The following ERP44 variants were observed in gnomAD, a reference collection of about 807,000 sequenced individuals.
The protein encoded by ERP44 is endoplasmic reticulum protein 44, also known as endoplasmic reticulum resident protein 44.
Under a neutral mutation model 53.4 loss-of-function variants are expected in ERP44, and 25 were observed. The observed-to-expected ratio is 0.47, with a 90% CI of 0.34 to 0.65. ERP44 has a LOEUF of 0.65. Among genes scored for constraint, ERP44 ranks in the 30% least tolerant of loss-of-function variants. ERP44 has a pLI of 0.01. For missense variants in ERP44, 338 were observed against 493.2 expected (o/e 0.69, Z 2.98); for synonymous variants, 145 against 161.2 (o/e 0.90, Z 0.76).
intron 10 of ERP44, among the ~76,000 whole-genome samples, chr9:99,996,087 G>A (rs1478267468): frequency 6.6e-6 from 1 of 152,008 alleles, no homozygotes; most frequent in African/African-American, 2.4e-5. Context: ...GTTTGCATAT[G>A]GTTGGTTTGT....
intron 1 of ERP44, among the ~76,000 whole-genome samples, chr9:100,091,920 A>G (rs1333661190): frequency 6.6e-6 from 1 of 152,178 alleles, no homozygotes; most frequent in African/African-American, 2.4e-5. Context: ...CCACTTCTAC[A>G]AACACCTTTG....
At chr9:100,080,593 T>C (rs970017459) in intron 1 of ERP44, among the ~76,000 whole-genome samples, 1 of 152,112 alleles carries the variant, frequency 6.6e-6, no homozygotes, top group Non-Finnish European at 1.5e-5. Flanking sequence ...ATGCATATAC[T>C]GTAAGGCTAA....
At chr9:99,986,638 T>C (rs1430378888) in intron 10 of ERP44, among the ~76,000 whole-genome samples, 1 of 152,168 alleles carries the variant, frequency 6.6e-6, no homozygotes, top group African/African-American at 2.4e-5. Flanking sequence ...GTTTCTTCCC[T>C]TCAATAACTC....
At chr9:100,066,395 G>T (rs1352530594) in intron 1 of ERP44, among the ~76,000 whole-genome samples, 1 of 152,176 alleles carries the variant, frequency 6.6e-6, no homozygotes, top group African/African-American at 2.4e-5. Flanking sequence ...TGAAATCACT[G>T]TCATAAAATA....
rs186511481 is a variant in ERP44, at chr9:100,013,167, A to G, written c.762+3155T>C. 5.8e-4 allele frequency among the ~76,000 whole-genome samples: 89 copies of G among 152,270 alleles called. No homozygotes were observed. In the East Asian group the frequency reaches 0.014, roughly 25 times the overall value. On this transcript the variant is annotated intron_variant, in intron 8 of 11. Coordinates refer to ENST00000262455, the MANE Select transcript of ERP44 (RefSeq NM_015051.3). ...TCAGGGAATCTTGGAGAATTCACAT[A>G]TATTATCTCCAAATCTGAAAGCACT...
intron 8 of ERP44, among the ~76,000 whole-genome samples, chr9:100,008,780 T>C (rs1316639880): frequency 6.6e-6 from 1 of 152,202 alleles, no homozygotes; most frequent in African/African-American, 2.4e-5. Flanking sequence ...CATTGTTTTT[T>C]TGGAGACAGG....
intron 4 of ERP44, among the ~76,000 whole-genome samples, chr9:100,050,186 T>C (rs1826021147): frequency 6.6e-6 from 1 of 152,236 alleles, no homozygotes; most frequent in Middle Eastern, 3.4e-3. Flanking sequence ...CAGACAGGGA[T>C]CACAGAGGGG....
At chr9:100,072,788 T>C (rs1390164057) in intron 1 of ERP44, among the ~76,000 whole-genome samples, 1 of 152,210 alleles carries the variant, frequency 6.6e-6, no homozygotes, top group Non-Finnish European at 1.5e-5. Context: ...CTCGAAGTGC[T>C]GGGATTACAA....
Position 100,050,610 on chromosome 9 carries a change from A to G in ERP44, c.286+1807T>C, listed in dbSNP as rs561680944. ...AGACTGTGGAAAATGTAAATACATT[A>G]ATCAATAAGGGTTTCATAACAATCA... On this transcript the variant is annotated intron_variant, in intron 4 of 11. Transcript: ENST00000262455. Among the ~76,000 whole-genome samples the G allele has an allele frequency of 4.6e-5, 7 of 152,364 alleles. No homozygotes were observed. In the South Asian group the frequency reaches 1.4e-3, roughly 32 times the overall value.
chr9:100,021,452 T>A (rs1830587627), intron 5 of ERP44, among the ~76,000 whole-genome samples: 1 of 152,212 alleles, frequency 6.6e-6, no homozygotes, highest in Admixed American at 6.5e-5. Flanking sequence ...GTCTTGTGTC[T>A]TCTAAAAGAA....
intron 10 of ERP44, among the ~76,000 whole-genome samples, chr9:99,986,270 T>A (rs1021637781): frequency 7.9e-5 from 12 of 152,236 alleles, no homozygotes; most frequent in Non-Finnish European, 1.6e-4. Flanking sequence ...ATGTCTTTTT[T>A]AAATTAAAAT....
rs190001905 is a variant in ERP44, at chr9:100,073,499, A to G, written c.58-13327T>C. ...CTCTACCTCCTGACCTCAGAGTTCT[A>G]TTTGTCCATAAATAAGCTGAACTAA... On this transcript the variant is annotated intron_variant, in intron 1 of 11. Coordinates refer to ENST00000262455, the MANE Select transcript of ERP44 (RefSeq NM_015051.3). Among the ~76,000 whole-genome samples the G allele has an allele frequency of 5.5e-4, 84 of 152,258 alleles. 1 individual carries two copies. Among genetic ancestry groups the G allele is most frequent in the Admixed American group, 1.1e-3 (17 of 15,294 alleles).
At chr9:100,029,099 A>G (rs1825743147) in intron 4 of ERP44, among the ~76,000 whole-genome samples, 1 of 152,224 alleles carries the variant, frequency 6.6e-6, no homozygotes, top group Non-Finnish European at 1.5e-5. Flanking sequence ...CATAGGGGAA[A>G]TGCTTTAGCA....
intron 10 of ERP44, among the ~76,000 whole-genome samples, chr9:99,999,427 T>C (rs1326072641): frequency 6.6e-6 from 1 of 152,200 alleles, no homozygotes; most frequent in Non-Finnish European, 1.5e-5. Context: ...TCTAATATCT[T>C]TGATGATTAG....
At chr9:100,035,773 C>T (rs898525295) in intron 4 of ERP44, among the ~76,000 whole-genome samples, 7 of 152,110 alleles carry the variant, frequency 4.6e-5, no homozygotes, top group African/African-American at 1.7e-4. Flanking sequence ...GACATACAAG[C>T]AGCCAACAAA....
At chr9:100,006,404 T>C in intron 10 of ERP44, 102 bp downstream of exon 10, 1 of 869,216 alleles carries the variant, frequency 1.2e-6, no homozygotes, top group Non-Finnish European at 1.8e-6. Flanking sequence ...AACAAAGTCT[T>C]ACTGTTCCAA....
In ERP44 at chr9:100,079,742, T is replaced by C. The variant is rs183295901; in HGVS notation, c.57+19042A>G. On this transcript the variant is annotated intron_variant, in intron 1 of 11. Coordinates refer to ENST00000262455, the MANE Select transcript of ERP44 (RefSeq NM_015051.3). ...TGAGGCCAGGAGTTAGAGACCAGCC[T>C]AGTCAGCACAGCAAGACCCCTCTCT... Among the ~76,000 whole-genome samples the C allele has an allele frequency of 8.6e-3, 1,311 of 152,154 alleles. 7 individuals are homozygous for C. The highest frequency in any genetic ancestry group is 0.016 in the Non-Finnish European group (1,069 of 67,996).
intron 1 of ERP44, among the ~76,000 whole-genome samples, chr9:100,086,880 T>C (rs1411832409): frequency 1.3e-5 from 2 of 152,080 alleles, no homozygotes; most frequent in Non-Finnish European, 2.9e-5. Flanking sequence ...AAACACATGT[T>C]TGAAGCATCC....
intron 5 of ERP44, 129 bp from the exon 6 acceptor site, chr9:100,020,860 ATATT>A (rs754758478): frequency 5.4e-6 from 3 of 551,702 alleles, no homozygotes; most frequent in Admixed American, 3.4e-5. Flanking sequence ...CTATAAATGC[ATATT>A]TAGTTTTTAA....
Sources: allele counts gnomAD v4.1 joint callset (sites outside exome capture counted in the v4.1 genomes callset), GRCh38; gene constraint gnomAD v4.1.1; transcripts MANE v1.5; gene names NCBI Gene and HGNC (gene_info 2026-07-23, HGNC 2026-07-21).